The following TLN2 variants were observed in gnomAD, a reference collection of about 807,000 sequenced individuals.
TLN2 encodes the protein talin-2.
TLN2 carries 118 observed loss-of-function variants against 294.7 expected under a neutral mutation model. The observed-to-expected ratio is 0.40, with a 90% CI of 0.34 to 0.47. The LOEUF (loss-of-function observed/expected upper bound fraction) is 0.47. Among genes scored for constraint, TLN2 ranks in the 20% least tolerant of loss-of-function variants. The probability of loss-of-function intolerance (pLI) is 0.84; values close to 1 mark genes in which losing one functional copy is unlikely to be tolerated. For missense variants in TLN2, 3,083 were observed against 3,282.2 expected (o/e 0.94, Z 1.48); for synonymous variants, 1,431 against 1,304.5 (o/e 1.10, Z -2.09).
At chr15:62,550,958 A>G (rs2042262079) in intron 1 of TLN2, among the ~76,000 whole-genome samples, 1 of 152,066 alleles carries the variant, frequency 6.6e-6, no homozygotes, top group Non-Finnish European at 1.5e-5. Flanking sequence ...TAATTATATA[A>G]CTCACCATAA....
intron 36 of TLN2, chr15:62,755,252 A>G (rs1012876651): frequency 9.5e-6 from 3 of 315,058 alleles, no homozygotes; most frequent in Admixed American, 4.7e-5. Flanking sequence ...GGGGTTCCAA[A>G]GGCTAACTGA....
rs867023712 is a variant in TLN2, at chr15:62,480,024, C to T, written c.-238+89339C>T. Among the ~76,000 whole-genome samples, 38 of 152,322 alleles carry T rather than the reference C, an allele frequency of 2.5e-4. 1 individual carries two copies. Among genetic ancestry groups the T allele is most frequent in the South Asian group, 1.0e-3 (5 of 4,824 alleles). On this transcript the variant is annotated intron_variant, in intron 1 of 58. Transcript: ENST00000636159. Reference sequence around the variant, plus strand: ...GATGGTGGGCCAGTTGGTCTCCTGTCATTGCAAGCCTCCTAATGAAAAGTC... The same window carrying T: ...GATGGTGGGCCAGTTGGTCTCCTGTTATTGCAAGCCTCCTAATGAAAAGTC...
chr15:62,681,827 G>C (rs7173024), intron 11 of TLN2, among the ~76,000 whole-genome samples: 1 of 152,162 alleles, frequency 6.6e-6, no homozygotes, highest in Non-Finnish European at 1.5e-5. Context: ...ATCTCACTCT[G>C]TCACCCAGTC....
chr15:62,602,234 A>G (rs1380506787), intron 2 of TLN2, among the ~76,000 whole-genome samples: 1 of 152,192 alleles, frequency 6.6e-6, no homozygotes, highest in Non-Finnish European at 1.5e-5. Flanking sequence ...TTCATCAATT[A>G]TATACTCTGT....
intron 1 of TLN2, among the ~76,000 whole-genome samples, chr15:62,565,593 C>T (rs1157423110): frequency 6.6e-6 from 1 of 152,186 alleles, no homozygotes; most frequent in Non-Finnish European, 1.5e-5. Flanking sequence ...TCTGAATGAA[C>T]TTAAAACTAT....
rs371648345 is a variant in TLN2 at position 62,835,999 on chromosome 15, G to A, written c.7300G>A (p.Ala2434Thr). 1.9e-5 allele frequency: 31 copies of A among 1,613,396 alleles called. No homozygotes were observed. The highest frequency in any genetic ancestry group is 1.4e-4 in the South Asian group (13 of 90,926). ...KLISSAKQVA[A>T]STAQLLVACK... ...CATCTCATCTGCCAAGCAGGTCGCCGCTTCCACGGCTCAGCTGCTGGTGGC... is the reference window on the plus strand; with the variant it reads ...CATCTCATCTGCCAAGCAGGTCGCCACTTCCACGGCTCAGCTGCTGGTGGC... The change falls in exon 57 of 59, where the codon GCT (alanine) becomes ACT (threonine). Residue 2434 changes from alanine (A) to threonine (T), a missense_variant. By Grantham distance (58) the Ala-to-Thr change is moderately conservative (BLOSUM62 0). Transcript: ENST00000636159.
chr15:62,413,863 C>G (rs374384264), intron 1 of TLN2, among the ~76,000 whole-genome samples: 2 of 152,212 alleles, frequency 1.3e-5, no homozygotes, highest in East Asian at 1.9e-4. Flanking sequence ...TACACATTGT[C>G]TTGGTTAAAA....
At chr15:62,527,681 A>G (rs2040815330) in intron 1 of TLN2, among the ~76,000 whole-genome samples, 4 of 152,234 alleles carry the variant, frequency 2.6e-5, no homozygotes, top group African/African-American at 7.2e-5. Flanking sequence ...TGCATGCACA[A>G]TTATGTCTGT....
chr15:62,657,928 CT>C, intron 9 of TLN2, 30 bp downstream of exon 9: 1 of 1,598,076 alleles, frequency 6.3e-7, no homozygotes. Context: ...TCTTTTTTCT[CT>C]TTTCTCCTGT....
chr15:62,786,617 A>G (rs549732347), intron 45 of TLN2, among the ~76,000 whole-genome samples: 1 of 152,326 alleles, frequency 6.6e-6, no homozygotes, highest in East Asian at 1.9e-4. Context: ...GAAAATGTGC[A>G]GTAACCACTT....
At chr15:62,763,220 T>G (rs2062784199) in intron 39 of TLN2, 1 of 152,004 alleles carries the variant, frequency 6.6e-6, no homozygotes, top group East Asian at 1.9e-4. Flanking sequence ...CTTTTTTTTT[T>G]TTCTTTTTTT....
rs3055781 is a variant in TLN2 at position 62,677,806 on chromosome 15, C to CTTTTTTTTTTTTTTTTTTTTT, written c.957+2500_957+2501insTTTTTTTTTTTTTTTTTTTTT. On this transcript the variant is annotated intron_variant, in intron 11 of 58. Coordinates refer to ENST00000636159, the MANE Select transcript of TLN2 (RefSeq NM_015059.3). Reference sequence around the variant, plus strand: ...TTAAGAAAGTAGGCAGCACTTGCAACTTTTTTTTTTTTTTTGAGACGGAGA... The same window carrying CTTTTTTTTTTTTTTTTTTTTT: ...TTAAGAAAGTAGGCAGCACTTGCAACTTTTTTTTTTTTTTTTTTTTTTTTTTTTTTTTTTTTGAGACGGAGA... Among the ~76,000 whole-genome samples, 19 of 75,266 alleles carry CTTTTTTTTTTTTTTTTTTTTT rather than the reference C, an allele frequency of 2.5e-4. 5 individuals are homozygous for CTTTTTTTTTTTTTTTTTTTTT. Among genetic ancestry groups the CTTTTTTTTTTTTTTTTTTTTT allele is most frequent in the African/African-American group, 2.8e-4 (6 of 21,178 alleles). 49.4% of individuals were successfully genotyped at this position (75,266 alleles called of 152,430 possible). A position where few individuals can be genotyped will look rare whatever the true frequency, so the allele number is the denominator to read the frequency against.
intron 22 of TLN2, among the ~76,000 whole-genome samples, chr15:62,715,861 C>G (rs1473043862): frequency 6.6e-6 from 1 of 152,182 alleles, no homozygotes; most frequent in African/African-American, 2.4e-5. Flanking sequence ...CCATCCTTCC[C>G]CCTCTTCCCT....
At chr15:62,678,417 A>G (rs537213296) in intron 11 of TLN2, among the ~76,000 whole-genome samples, 6 of 152,374 alleles carry the variant, frequency 3.9e-5, no homozygotes, top group African/African-American at 4.8e-5. Flanking sequence ...ATAAAACTCA[A>G]CATCCTTTTA....
At chr15:62,393,720 A>C (rs2032295102) in intron 1 of TLN2, among the ~76,000 whole-genome samples, 1 of 152,220 alleles carries the variant, frequency 6.6e-6, no homozygotes, top group Non-Finnish European at 1.5e-5. Flanking sequence ...TTACATAATA[A>C]AAAAGAGAAG....
At chr15:62,427,253 G>C (rs955637163) in intron 1 of TLN2, among the ~76,000 whole-genome samples, 1 of 152,210 alleles carries the variant, frequency 6.6e-6, no homozygotes, top group African/African-American at 2.4e-5. Flanking sequence ...GAAGAGGAGG[G>C]CTGGGATAGT....
intron 43 of TLN2, among the ~76,000 whole-genome samples, chr15:62,779,373 T>C (rs2063947349): frequency 6.6e-6 from 1 of 150,850 alleles, no homozygotes. Flanking sequence ...AGTAAGAAAA[T>C]TAAACAAAAA....
intron 54 of TLN2, among the ~76,000 whole-genome samples, chr15:62,827,074 G>GTTAAGT (rs1567691448): frequency 1.3e-5 from 2 of 151,738 alleles, no homozygotes; most frequent in South Asian, 2.1e-4. Flanking sequence ...TTCCCTCAAA[G>GTTAAGT]TAAGTTTTCA....
At chr15:62,590,172 A>T (rs1409043324) in intron 2 of TLN2, among the ~76,000 whole-genome samples, 2 of 151,810 alleles carry the variant, frequency 1.3e-5, no homozygotes, top group Non-Finnish European at 2.9e-5. Context: ...TTTAATTTTT[A>T]TTTTAAGTTC....
Sources: allele counts gnomAD v4.1 joint callset (sites outside exome capture counted in the v4.1 genomes callset), GRCh38; gene constraint gnomAD v4.1.1; transcripts MANE v1.5; gene names NCBI Gene and HGNC (gene_info 2026-07-23, HGNC 2026-07-21).